The following ABCB5 variants were observed in gnomAD, a reference collection of about 807,000 sequenced individuals.
ABCB5 encodes ATP-binding cassette sub-family B member 5.
A neutral mutation model predicts 144.2 loss-of-function variants in ABCB5; 155 were observed. The ratio of observed to expected loss-of-function variants is 1.08; its 90% CI spans 0.94 to 1.23. The LOEUF is 1.23. Ranked by LOEUF, ABCB5 falls within the 50% of genes most tolerant of loss-of-function variation. ABCB5 has a pLI of 0.00. For missense variants in ABCB5, 1,830 were observed against 1,520.8 expected (o/e 1.20, Z -3.38); for synonymous variants, 610 against 528.6 (o/e 1.15, Z -2.11).
At chr7:20,628,903 G>A (rs927700757) in intron 4 of ABCB5, 65 bp downstream of exon 4, 74 of 1,537,422 alleles carry the variant, frequency 4.8e-5, no homozygotes, top group Admixed American at 1.9e-4. Flanking sequence ...GCAAACAAAC[G>A]TTAAGCTAGC....
chr7:20,710,474 A>G (rs1562572917), intron 20 of ABCB5, among the ~76,000 whole-genome samples: 1 of 147,892 alleles, frequency 6.8e-6, no homozygotes, highest in Non-Finnish European at 1.5e-5. Context: ...GCAAAATATT[A>G]TTCTTCTCTT....
chr7:20,755,999 G>A lies in ABCB5; in HGVS notation c.*375G>A, dbSNP rs903830430. The A allele has an allele frequency of 8.5e-6, 2 of 236,104 alleles. No individual in the cohort carries two copies. The highest frequency in any genetic ancestry group is 2.2e-4 in the East Asian group (2 of 9,008). 14.6% of individuals were successfully genotyped at this position (236,104 alleles called of 1,614,324 possible). ...TGTTGAAGGTTTTAGCAAAGGCAGT[G>A]TAAGATAGAGTGGGGCCTGTAGCAT... On this transcript the variant is annotated 3_prime_UTR_variant, in exon 28 of 28. Transcript: ENST00000404938.
At chr7:20,695,250 C>A (rs993708861) in intron 16 of ABCB5, among the ~76,000 whole-genome samples, 2 of 151,816 alleles carry the variant, frequency 1.3e-5, no homozygotes, top group Admixed American at 1.3e-4. Flanking sequence ...GAAAAGAGAG[C>A]TGAGAAGTAG....
rs201597640 is a variant in ABCB5 at position 20,755,458 on chromosome 7, C to A, written c.3608C>A (p.Thr1203Lys). Reference sequence around the variant, plus strand: ...CAGCATGCCCTTGATAAAGCCAGGACGGGAAGGACATGCCTAGTGGTCACT... The same window carrying A: ...CAGCATGCCCTTGATAAAGCCAGGAAGGGAAGGACATGCCTAGTGGTCACT... ...VVQHALDKAR[T>K]GRTCLVVTHR... Residue 1203 changes from threonine to lysine, a missense_variant, in exon 28 of 28, where the codon ACG becomes AAG. By Grantham distance (78) the Thr-to-Lys change is moderately conservative (BLOSUM62 -1). Coordinates refer to ENST00000404938, the MANE Select transcript of ABCB5 (RefSeq NM_001163941.2). The A allele has an allele frequency of 6.2e-7, 1 of 1,614,156 alleles. No homozygotes were observed. The highest frequency in any genetic ancestry group is 1.1e-5 in the South Asian group (1 of 91,082).
chr7:20,652,349 C>G (rs569800052), intron 13 of ABCB5, among the ~76,000 whole-genome samples: 1 of 152,162 alleles, frequency 6.6e-6, no homozygotes, highest in African/African-American at 2.4e-5. Context: ...GGGCAGATCA[C>G]CTGAGGTTAG....
intron 13 of ABCB5, among the ~76,000 whole-genome samples, chr7:20,655,991 A>G (rs535123214): frequency 6.6e-6 from 1 of 152,244 alleles, no homozygotes; most frequent in Non-Finnish European, 1.5e-5. Flanking sequence ...AGATTCACAA[A>G]TATCTACTAA....
rs150241163 is a variant in ABCB5 at position 20,742,373 on chromosome 7, C to CAAATA, written c.3025-482_3025-478dup. Among the ~76,000 whole-genome samples the CAAATA allele has an allele frequency of 1.1e-3, 170 of 150,676 alleles. 1 individual carries two copies. The highest frequency in any genetic ancestry group is 4.0e-3 in the African/African-American group (162 of 40,958). On this transcript the variant is annotated intron_variant, in intron 24 of 27. Transcript: ENST00000404938. ...TGGGTGACAGAGCTAGACCCTTTCT[C>CAAATA]AAATAAAATAAAATAAAATAAAATA...
At chr7:20,731,369 A>ATAT (rs1554289436) in intron 23 of ABCB5, among the ~76,000 whole-genome samples, 1,660 of 123,020 alleles carry the variant, frequency 0.013, 18 homozygotes, top group East Asian at 0.035. Context: ...AAAAAAAAAA[A>ATAT]ATATATATAT....
chr7:20,646,520 T>C (rs17143221), intron 9 of ABCB5, among the ~76,000 whole-genome samples: 2,606 of 152,322 alleles, frequency 0.017, 67 homozygotes, highest in African/African-American at 0.059. Context: ...ATGTCTTCTC[T>C]CTGGAAATGG....
chr7:20,687,091 T>C (rs1405598001), intron 16 of ABCB5, among the ~76,000 whole-genome samples: 1 of 152,212 alleles, frequency 6.6e-6, no homozygotes, highest in African/African-American at 2.4e-5. Flanking sequence ...TGGTATACCA[T>C]ATGACAAATG....
chr7:20,643,340 C>G lies in ABCB5; in HGVS notation c.471C>G (p.Ser157Arg), dbSNP rs776189414. ...VLAQDIGWFD[S>R]CDIGELNTRM... The stretch of plus-strand genomic sequence containing the variant: ...CACAGGACATCGGCTGGTTTGATAG[C>G]TGTGACATCGGTGAACTTAACACTC... The change falls in exon 6 of 28, where the codon AGC (serine) becomes AGG (arginine). Residue 157 changes from serine (S) to arginine (R), a missense_variant. Physicochemically the swap from Ser to Arg is moderately radical, Grantham distance 110. Transcript: ENST00000404938. 6.2e-7 allele frequency: 1 copy of G among 1,613,934 alleles called. No homozygotes were observed. Among genetic ancestry groups the G allele is most frequent in the Admixed American group, 1.7e-5 (1 of 59,996 alleles).
At position 20,755,482 on chromosome 7, in the gene ABCB5, C is replaced by G. The variant is rs1783060168; in HGVS notation, c.3632C>G (p.Thr1211Ser). The G allele has an allele frequency of 8.1e-6, 13 of 1,614,196 alleles. No homozygotes were observed. Among genetic ancestry groups the G allele is most frequent in the Non-Finnish European group, 1.1e-5 (13 of 1,180,036 alleles). Residue 1211 changes from threonine to serine, a missense_variant, in exon 28 of 28, where the codon ACT becomes AGT. By Grantham distance (58) the Thr-to-Ser change is moderately conservative. Transcript: ENST00000404938. Reference protein sequence around the residue: ...ARTGRTCLVVTHRLSAIQNAD... With the variant: ...ARTGRTCLVVSHRLSAIQNAD... Reference sequence around the variant, plus strand: ...ACGGGAAGGACATGCCTAGTGGTCACTCACAGGCTCTCTGCAATTCAGAAC... The same window carrying G: ...ACGGGAAGGACATGCCTAGTGGTCAGTCACAGGCTCTCTGCAATTCAGAAC...
chr7:20,752,313 CA>C (rs1782955694), intron 26 of ABCB5, among the ~76,000 whole-genome samples: 2 of 152,306 alleles, frequency 1.3e-5, no homozygotes, highest in South Asian at 2.1e-4. Flanking sequence ...TGAAAGGAAG[CA>C]AAGTCAATGG....
At chr7:20,722,930 A>G in intron 20 of ABCB5, 86 bp from the exon 21 acceptor site, 4 of 1,178,146 alleles carry the variant, frequency 3.4e-6, no homozygotes, top group Non-Finnish European at 4.9e-6. Context: ...TAAAAAGTCT[A>G]CCTTGTTTTG....
chr7:20,705,501 A>G (rs988657149), intron 20 of ABCB5, among the ~76,000 whole-genome samples: 12 of 152,204 alleles, frequency 7.9e-5, no homozygotes, highest in Admixed American at 7.9e-4. Context: ...AAAGCAGCAG[A>G]AAACAAGGTT....
chr7:20,743,684 C>T (rs557337009), intron 25 of ABCB5, among the ~76,000 whole-genome samples: 2 of 152,166 alleles, frequency 1.3e-5, no homozygotes, highest in African/African-American at 4.8e-5. Flanking sequence ...ATCAGCACAC[C>T]CACACAAAGC....
chr7:20,624,967 C>A (rs1441661534), intron 2 of ABCB5, among the ~76,000 whole-genome samples: 1 of 152,236 alleles, frequency 6.6e-6, no homozygotes, highest in Admixed American at 6.5e-5. Context: ...TATGTCAACG[C>A]TGATAAAGAG....
chr7:20,721,100 T>A (rs1445514236), intron 20 of ABCB5, among the ~76,000 whole-genome samples: 3 of 152,212 alleles, frequency 2.0e-5, no homozygotes, highest in Non-Finnish European at 2.9e-5. Context: ...GAAGGAAGTC[T>A]AAGCATTAAA....
At position 20,659,225 on chromosome 7, in the gene ABCB5, C is replaced by T. The variant is rs1229152886; in HGVS notation, c.1707+549C>T. On this transcript the variant is annotated intron_variant, in intron 14 of 27. Coordinates refer to ENST00000404938, the MANE Select transcript of ABCB5 (RefSeq NM_001163941.2). The stretch of plus-strand genomic sequence containing the variant: ...ACCTCAAGGCCATATGCAGTTGTGG[C>T]CCTGCACCAAATTACACTGAATCTA... 52 of 1,575,062 alleles carry T rather than the reference C, an allele frequency of 3.3e-5. No homozygotes were observed. The South Asian group carries it at 4.3e-4, about 13-fold the overall frequency.
Sources: gnomAD v4.1 joint callset for allele counts (sites outside exome capture counted in the v4.1 genomes callset) on GRCh38, gnomAD v4.1.1 for gene constraint, MANE v1.5 for transcripts, NCBI Gene and HGNC (gene_info 2026-07-23, HGNC 2026-07-21) for gene names.